OPHN1: variants seen among roughly 807,000 people sequenced by gnomAD.
OPHN1 encodes oligophrenin 1.
Under a neutral mutation model 60.7 loss-of-function variants are expected in OPHN1, and 11 were observed. The ratio of observed to expected loss-of-function variants is 0.18; its 90% CI spans 0.11 to 0.30. The LOEUF is 0.30. OPHN1 is among the 10% of genes least tolerant of loss of function. The pLI, the probability that OPHN1 is intolerant of heterozygous loss-of-function variation, is 1.00. For synonymous variants in OPHN1, 226 were observed against 222.6 expected, an observed-to-expected ratio of 1.02 and a Z score of -0.14; for missense variants, 449 against 611.0, an observed-to-expected ratio of 0.73 and a Z score of 2.80.
At chrX:68,055,473 G>A (rs1028823644) in intron 21 of OPHN1, among the ~76,000 whole-genome samples, 1 of 112,104 alleles carries the variant, frequency 8.9e-6, no homozygotes, top group African/African-American at 3.2e-5. Context: ...GAGAGGACGT[G>A]GAGAAATAGG....
chrX:68,271,426 A>C (rs932750196), intron 5 of OPHN1, among the ~76,000 whole-genome samples: 4 of 109,630 alleles, frequency 3.6e-5, no homozygotes, highest in Non-Finnish European at 7.6e-5. Flanking sequence ...AGTCCCAGCA[A>C]CTTGAGAGGC....
chrX:68,163,572 G>A, intron 15 of OPHN1, among the ~76,000 whole-genome samples: 1 of 110,593 alleles, frequency 9.0e-6, no homozygotes, highest in Non-Finnish European at 1.9e-5. Flanking sequence ...ATTATGAGGT[G>A]CTGATTTCAT....
intron 3 of OPHN1, among the ~76,000 whole-genome samples, chrX:68,296,148 T>C (rs2078093928): frequency 9.0e-6 from 1 of 111,282 alleles, no homozygotes; most frequent in Admixed American, 9.6e-5. Flanking sequence ...TTCCTCTCAC[T>C]ACCACCACAA....
intron 16 of OPHN1, among the ~76,000 whole-genome samples, chrX:68,114,503 G>A (rs2077119015): frequency 9.0e-6 from 1 of 111,530 alleles, no homozygotes; most frequent in South Asian, 3.8e-4. Context: ...GCTGACATCT[G>A]TAATCCCAGC....
At chrX:68,329,601 G>A (rs1471957072) in intron 2 of OPHN1, among the ~76,000 whole-genome samples, 1 of 111,864 alleles carries the variant, frequency 8.9e-6, no homozygotes, top group East Asian at 2.8e-4. Flanking sequence ...CTATAACTAT[G>A]CAAATGTTCT....
intron 15 of OPHN1, among the ~76,000 whole-genome samples, chrX:68,146,411 A>T (rs1428196693): frequency 8.9e-6 from 1 of 112,382 alleles, no homozygotes; most frequent in Non-Finnish European, 1.9e-5. Context: ...ACTGGATTAC[A>T]ACAAGTGAAT....
intron 16 of OPHN1, among the ~76,000 whole-genome samples, chrX:68,117,749 G>T (rs1412000962): frequency 9.0e-6 from 1 of 111,388 alleles, no homozygotes; most frequent in Non-Finnish European, 1.9e-5. Context: ...CTATCTTTGA[G>T]AATTCTATAG....
At chrX:68,169,969 G>T (rs2077381548) in intron 15 of OPHN1, among the ~76,000 whole-genome samples, 2 of 108,499 alleles carry the variant, frequency 1.8e-5, no homozygotes, top group South Asian at 3.9e-4. Context: ...CACAGCAAAA[G>T]AAACTACCAT....
chrX:68,371,619 T>C (rs1347458248), intron 2 of OPHN1, among the ~76,000 whole-genome samples: 2 of 112,072 alleles, frequency 1.8e-5, no homozygotes, highest in African/African-American at 6.5e-5. Context: ...CTAGGAGCAA[T>C]AGACTGTACC....
At chrX:68,418,371 T>A (rs73634119) in intron 2 of OPHN1, among the ~76,000 whole-genome samples, 4,815 of 110,828 alleles carry the variant, frequency 0.043, 284 homozygotes, top group African/African-American at 0.15. Flanking sequence ...GGAGGATACA[T>A]GACAGGGTTT....
At chrX:68,372,956 G>C (rs1383928194) in intron 2 of OPHN1, among the ~76,000 whole-genome samples, 1 of 112,053 alleles carries the variant, frequency 8.9e-6, no homozygotes, top group Non-Finnish European at 1.9e-5. Flanking sequence ...CTCTTTCTCG[G>C]GGAGACAAAG....
intron 15 of OPHN1, among the ~76,000 whole-genome samples, chrX:68,154,729 T>C (rs909749050): frequency 1.8e-5 from 2 of 111,687 alleles, no homozygotes; most frequent in Non-Finnish European, 3.8e-5. Context: ...AATACGTCTA[T>C]GTATTTCATA....
At chrX:68,055,994 C>A (rs1029223593) in intron 21 of OPHN1, among the ~76,000 whole-genome samples, 4 of 110,901 alleles carry the variant, frequency 3.6e-5, no homozygotes, top group Non-Finnish European at 5.7e-5. Context: ...AGCAGACATA[C>A]CTAATGTAAA....
intron 15 of OPHN1, among the ~76,000 whole-genome samples, chrX:68,153,508 T>C (rs2077295322): frequency 8.9e-6 from 1 of 111,779 alleles, no homozygotes. Context: ...CTTTTATCTG[T>C]AATTGTGGTA....
In OPHN1 at chrX:68,125,312, A is replaced by G. The variant is rs181871454; in HGVS notation, c.1277-5980T>C. ...AAAGCAAGAGCAAACCAAATCCAAA[A>G]TTAGTAGAAGAAATAATTAAGATCA... On this transcript the variant is annotated intron_variant, in intron 15 of 24. Transcript: ENST00000355520. 3.0e-4 allele frequency among the ~76,000 whole-genome samples: 34 copies of G among 111,896 alleles called. No homozygotes were observed. In the East Asian group the frequency reaches 8.2e-3, roughly 27 times the overall value.
intron 2 of OPHN1, among the ~76,000 whole-genome samples, chrX:68,398,299 CT>C (rs1770598696): frequency 8.9e-6 from 1 of 111,974 alleles, no homozygotes; most frequent in Admixed American, 9.6e-5. Flanking sequence ...TGCCCCAATG[CT>C]TGCATGTTTT....
rs1380875205 is a variant in OPHN1, at chrX:68,045,221, C to T, written c.*1951G>A. The T allele has an allele frequency of 9.0e-6, 1 of 111,619 alleles. No homozygotes were observed. Among genetic ancestry groups the T allele is most frequent in the Non-Finnish European group, 1.9e-5 (1 of 53,115 alleles). The allele number at this position is 111,619 out of a possible 1,213,427, so 9.2% of individuals were successfully genotyped here. The stretch of plus-strand genomic sequence containing the variant: ...GCAACCTGGCCTTTGAGACTGGGTA[C>T]AGTGGAGTGAGTTCAACCGGGCCAC... On this transcript the variant is annotated 3_prime_UTR_variant, in exon 25 of 25. Transcript: ENST00000355520.
chrX:68,115,440 GCC>G (rs1255847896), intron 16 of OPHN1, among the ~76,000 whole-genome samples: 1 of 112,400 alleles, frequency 8.9e-6, no homozygotes, highest in East Asian at 2.8e-4. Context: ...CAAATAGAAA[GCC>G]CATAAAGGAG....
intron 15 of OPHN1, among the ~76,000 whole-genome samples, chrX:68,185,021 C>T (rs990099757): frequency 8.9e-6 from 1 of 112,182 alleles, no homozygotes; most frequent in Non-Finnish European, 1.9e-5. Context: ...TTTCCCTTTG[C>T]CCATTATCAT....
Sources: allele counts gnomAD v4.1 joint callset (sites outside exome capture counted in the v4.1 genomes callset), GRCh38; gene constraint gnomAD v4.1.1; transcripts MANE v1.5; gene names NCBI Gene and HGNC (gene_info 2026-07-23, HGNC 2026-07-21).